Variants in VAC14 observed in about 807,000 individuals in gnomAD.
VAC14 encodes the protein protein VAC14 homolog.
In VAC14, 47 loss-of-function variants were observed where a neutral mutation model predicts 85.3. That is an observed-to-expected ratio of 0.55 (90% CI 0.44 to 0.70). The LOEUF (loss-of-function observed/expected upper bound fraction) is 0.70, where lower values mean the gene tolerates loss of function less well. Ranked by LOEUF, VAC14 falls within the 30% of genes least tolerant of loss-of-function variation. The probability of loss-of-function intolerance (pLI) is 0.00; values close to 1 mark genes in which losing one functional copy is unlikely to be tolerated. For missense variants in VAC14, 861 were observed against 1,004.3 expected (o/e 0.86, Z 1.93); for synonymous variants, 447 against 430.5 (o/e 1.04, Z -0.47).
At chr16:70,744,803 T>C (rs1411542572) in intron 12 of VAC14, among the ~76,000 whole-genome samples, 2 of 152,188 alleles carry the variant, frequency 1.3e-5, no homozygotes, top group African/African-American at 4.8e-5. Flanking sequence ...ATGGGGCCTC[T>C]GGAGGAAGGA....
chr16:70,691,002 G>A (rs1485523185), intron 18 of VAC14: 2 of 985,092 alleles, frequency 2.0e-6, no homozygotes, highest in African/African-American at 1.7e-5. Context: ...CAAATCCATG[G>A]CAGAGCTCAC....
chr16:70,702,977 G>C (rs773842360), intron 14 of VAC14, among the ~76,000 whole-genome samples: 34 of 152,242 alleles, frequency 2.2e-4, no homozygotes, highest in Non-Finnish European at 4.0e-4. Flanking sequence ...ACCCACAGCT[G>C]ACCGGAGGAG....
At chr16:70,787,614 G>A (rs1037681856) in intron 1 of VAC14, among the ~76,000 whole-genome samples, 10 of 152,232 alleles carry the variant, frequency 6.6e-5, no homozygotes, top group African/African-American at 2.4e-4. Flanking sequence ...GTGGTGGCAG[G>A]AGTGCCCCAG....
rs1460251019 is a variant in VAC14 at position 70,784,117 on chromosome 16, G to A, written c.590C>T (p.Ser197Phe). Residue 197 changes from serine (S) to phenylalanine (F), a missense_variant, in exon 5 of 19, where the codon TCC becomes TTC. Around this residue, in one of 3 missense-constraint regions of VAC14, gnomAD observed 629 missense variants for 703.1 expected, o/e 0.89. Transcript: ENST00000261776. ...CGGTGTCCGGCCAGGCCTTACCCAG[G>A]AGATGATGAACTGCCGGGCATACTG... ...NNQYARQFII[S>F]WILVLESVPD... is the part of the protein sequence containing the mutation. The A allele has an allele frequency of 6.2e-7, 1 of 1,614,034 alleles. No homozygotes were observed. The highest frequency in any genetic ancestry group is 1.1e-5 in the South Asian group (1 of 91,074).
intron 10 of VAC14, chr16:70,769,369 T>C (rs1343081622): frequency 6.5e-6 from 1 of 152,972 alleles, no homozygotes; most frequent in Admixed American, 6.5e-5. Flanking sequence ...TCTGGCTACC[T>C]GGCAACTCTG....
At chr16:70,775,842 T>G (rs1341228807) in intron 9 of VAC14, among the ~76,000 whole-genome samples, 3 of 152,252 alleles carry the variant, frequency 2.0e-5, no homozygotes, top group Non-Finnish European at 4.4e-5. Flanking sequence ...TTTTCACTCT[T>G]ACATCTCTCC....
At chr16:70,700,513 TAGG>T (rs1408282503) in intron 14 of VAC14, among the ~76,000 whole-genome samples, 1 of 152,078 alleles carries the variant, frequency 6.6e-6, no homozygotes, top group Non-Finnish European at 1.5e-5. Flanking sequence ...ATCTGTGAAA[TAGG>T]GGGAAGTTCT....
At chr16:70,782,210 A>G (rs1231425670) in intron 7 of VAC14, among the ~76,000 whole-genome samples, 1 of 152,194 alleles carries the variant, frequency 6.6e-6, no homozygotes, top group Admixed American at 6.5e-5. Flanking sequence ...CCTGTGCTAG[A>G]CTGTAAGGGC....
chr16:70,780,607 T>C (rs1280215647), intron 9 of VAC14, among the ~76,000 whole-genome samples, 183 bp downstream of exon 9: 1 of 152,228 alleles, frequency 6.6e-6, no homozygotes, highest in Non-Finnish European at 1.5e-5. Context: ...AGCTTCCCTG[T>C]GTCCTGTCTG....
intron 14 of VAC14, among the ~76,000 whole-genome samples, chr16:70,712,517 C>T (rs887542183): frequency 8.5e-5 from 13 of 152,160 alleles, no homozygotes; most frequent in Non-Finnish European, 1.8e-4. Flanking sequence ...CAGTGTCTAG[C>T]CGGGCTCAGG....
intron 13 of VAC14, among the ~76,000 whole-genome samples, chr16:70,741,294 G>A (rs3785419): frequency 4.6e-5 from 7 of 152,244 alleles, no homozygotes; most frequent in East Asian, 1.9e-4. Context: ...AGCAGCTTGC[G>A]GAGGGATGAA....
intron 4 of VAC14, 93 bp downstream of exon 4, chr16:70,784,683 A>C: frequency 8.2e-7 from 1 of 1,216,030 alleles, no homozygotes; most frequent in Non-Finnish European, 1.2e-6. Flanking sequence ...TTTAAATTCA[A>C]GAAGAACATT....
chr16:70,707,415 T>C (rs1386186173), intron 14 of VAC14, among the ~76,000 whole-genome samples: 3 of 151,996 alleles, frequency 2.0e-5, no homozygotes, highest in African/African-American at 7.3e-5. Flanking sequence ...GGAAAGGGGA[T>C]GGAGGGAGGA....
At chr16:70,711,113 A>G (rs936304) in intron 14 of VAC14, among the ~76,000 whole-genome samples, 145,471 of 152,278 alleles carry the variant, frequency 0.96, 69,562 homozygotes, top group African/African-American at 0.99. Context: ...TCTAGAACAA[A>G]GAGGGTCCCT....
rs565853218 is a variant in VAC14 at position 70,704,122 on chromosome 16, C to T, written c.1662-5311G>A. 2.2e-4 allele frequency among the ~76,000 whole-genome samples: 33 copies of T among 152,380 alleles called. No homozygotes were observed. The South Asian group carries it at 6.4e-3, about 30-fold the overall frequency. On this transcript the variant is annotated intron_variant, in intron 14 of 18. Coordinates refer to ENST00000261776, the MANE Select transcript of VAC14 (RefSeq NM_018052.5). ...CTCTGTGGGAGATGCTCTCCCAAACCCCCACCTGGCATCCACACACAGCCC... is the reference window on the plus strand; with the variant it reads ...CTCTGTGGGAGATGCTCTCCCAAACTCCCACCTGGCATCCACACACAGCCC...
chr16:70,713,465 C>T lies in VAC14; in HGVS notation c.1662-14654G>A, dbSNP rs530680631. Among the ~76,000 whole-genome samples, 42 of 152,310 alleles carry T rather than the reference C, an allele frequency of 2.8e-4. No homozygotes were observed. The East Asian group carries it at 5.2e-3, about 19-fold the overall frequency. On this transcript the variant is annotated intron_variant, in intron 14 of 18. Transcript: ENST00000261776. ...CTTCCAATTAAAGTACAAAGGGTTT[C>T]GGGCTGCCTTTCCAGACGTCCTTCC...
intron 13 of VAC14, among the ~76,000 whole-genome samples, chr16:70,733,127 T>C (rs907112671): frequency 3.9e-5 from 6 of 152,228 alleles, no homozygotes; most frequent in Non-Finnish European, 7.3e-5. Flanking sequence ...CCATACTGAT[T>C]AGCAGTCATT....
chr16:70,744,063 C>T (rs1019496336), intron 13 of VAC14, among the ~76,000 whole-genome samples: 3 of 152,244 alleles, frequency 2.0e-5, no homozygotes, highest in African/African-American at 7.2e-5. Context: ...TAGTCTTCCA[C>T]CTGTTAGACC....
intron 1 of VAC14, among the ~76,000 whole-genome samples, chr16:70,789,479 G>T (rs760767430): frequency 6.6e-6 from 1 of 152,194 alleles, no homozygotes; most frequent in East Asian, 1.9e-4. Flanking sequence ...GTTAAAGGGA[G>T]GTGCGCACAC....
Sources: allele counts gnomAD v4.1 joint callset (sites outside exome capture counted in the v4.1 genomes callset), GRCh38; gene constraint gnomAD v4.1.1; regional missense constraint gnomAD v4.1.1; transcripts MANE v1.5; gene names NCBI Gene and HGNC (gene_info 2026-07-23, HGNC 2026-07-21).